SLC4A9: variants seen among roughly 807,000 people sequenced by gnomAD.
SLC4A9 encodes solute carrier family 4 member 9.
A neutral mutation model predicts 103.2 loss-of-function variants in SLC4A9; 102 were observed. That is an observed-to-expected ratio of 0.99 (90% CI 0.84 to 1.17). The LOEUF is 1.17. Among genes scored for constraint, SLC4A9 ranks in the 50% most tolerant of loss-of-function variants. SLC4A9 has a pLI of 0.00. For missense variants in SLC4A9, 1,091 were observed against 1,193.7 expected, an observed-to-expected ratio of 0.91 and a Z score of 1.27; for synonymous variants, 453 against 483.6, an observed-to-expected ratio of 0.94 and a Z score of 0.83.
At chr5:140,364,253 G>A in intron 10 of SLC4A9, 66 bp downstream of exon 10, 1 of 1,577,160 alleles carries the variant, frequency 6.3e-7, no homozygotes. Flanking sequence ...CTGGCTGGGT[G>A]AATAGGAGAG....
chr5:140,371,227 C>A, intron 18 of SLC4A9, 64 bp downstream of exon 18: 2 of 1,532,380 alleles, frequency 1.3e-6, no homozygotes, highest in Non-Finnish European at 1.8e-6. Flanking sequence ...CAAAAAAGAA[C>A]AAAATTACCT....
In SLC4A9 at chr5:140,371,541, C is replaced by T. The variant is rs370347102; in HGVS notation, c.2587C>T (p.Leu863Phe). The T allele has an allele frequency of 2.1e-5, 34 of 1,613,948 alleles. No homozygotes were observed. The highest frequency in any genetic ancestry group is 6.7e-5 in the African/African-American group (5 of 74,936). ...LRHVPLTRVH[L>F]FTAIQLACLG... The stretch of plus-strand genomic sequence containing the variant: ...GCATGTGCCTCTGACCAGGGTCCAC[C>T]TCTTCACAGCCATCCAGCTTGCCTG... The change falls in exon 19 of 22, where the codon CTC (leucine) becomes TTC (phenylalanine). Residue 863 changes from leucine (L) to phenylalanine (F), a missense_variant. Physicochemically the swap from Leu to Phe is conservative, Grantham distance 22 (BLOSUM62 0). Coordinates refer to ENST00000506757, the MANE Select transcript of SLC4A9 (RefSeq NM_031467.3).
At chr5:140,361,926 A>T in intron 4 of SLC4A9, 63 bp downstream of exon 4, 4 of 1,613,484 alleles carry the variant, frequency 2.5e-6, no homozygotes, top group Non-Finnish European at 3.4e-6. Context: ...AATTAACAAA[A>T]GTCTACTCTC....
Position 140,360,908 on chromosome 5 carries a change from C to CA in SLC4A9, c.328dup (p.Ser110LysfsTer69). ...CACTGCCCAGCCTCCAGAAGCTCCGCAGCCTGCTGGCCGAGGGCCTTGTAC... is the reference window on the plus strand; with the variant it reads ...CACTGCCCAGCCTCCAGAAGCTCCGCAAGCCTGCTGGCCGAGGGCCTTGTAC... On this transcript the variant is annotated frameshift_variant, in exon 2 of 22. Transcript: ENST00000506757. LOFTEE classifies it high-confidence loss of function. 1 of 1,607,880 alleles carries CA rather than the reference C, an allele frequency of 6.2e-7. No individual in the cohort carries two copies. Among genetic ancestry groups the CA allele is most frequent in the Non-Finnish European group, 8.5e-7 (1 of 1,177,664 alleles).
chr5:140,363,327 C>G lies in SLC4A9; in HGVS notation c.963-112C>G, dbSNP rs976961538. The G allele has an allele frequency of 4.6e-6, 5 of 1,087,490 alleles. No individual in the cohort carries two copies. The highest frequency in any genetic ancestry group is 2.6e-5 in the Admixed American group (1 of 38,872). The allele number at this position is 1,087,490 out of a possible 1,614,324, so 67.4% of individuals were successfully genotyped here. A position where few individuals can be genotyped will look rare whatever the true frequency, so the allele number is the denominator to read the frequency against. ...GAGGCCCAGGTGTCGCCATGGTTCC[C>G]TCGCCGGCAGAGACAAGAGCAGCCG... On this transcript the variant is annotated intron_variant, in intron 7 of 21. Coordinates refer to ENST00000506757, the MANE Select transcript of SLC4A9 (RefSeq NM_031467.3). This position sits in a 1 kb window ranked among gnomAD's most constrained non-coding sequence, Gnocchi z 4.5.
In SLC4A9 at chr5:140,363,997, G is replaced by A. The variant is rs114347809; in HGVS notation, c.1255-57G>A. The A allele has an allele frequency of 3.0e-3, 4,584 of 1,539,612 alleles. 120 individuals are homozygous for A. The African/African-American group carries it at 0.054, about 18-fold the overall frequency. ...GGTAAGTTAAGGAGGCTCTCCCAAAGCTTCAAAGGACCCCGAGGACTTCAG... is the reference window on the plus strand; with the variant it reads ...GGTAAGTTAAGGAGGCTCTCCCAAAACTTCAAAGGACCCCGAGGACTTCAG... On this transcript the variant is annotated intron_variant, in intron 9 of 21. Coordinates refer to ENST00000506757, the MANE Select transcript of SLC4A9 (RefSeq NM_031467.3). This position sits in a 1 kb window ranked among gnomAD's most constrained non-coding sequence, Gnocchi z 4.5.
At chr5:140,366,324 G>T in intron 14 of SLC4A9, 60 bp downstream of exon 14, 1 of 1,213,116 alleles carries the variant, frequency 8.2e-7, no homozygotes, top group Non-Finnish European at 1.2e-6. Context: ...GCAGACCATG[G>T]GGAAGGAAAA....
chr5:140,371,834 A>T (rs570071592), intron 19 of SLC4A9, among the ~76,000 whole-genome samples: 1 of 152,154 alleles, frequency 6.6e-6, no homozygotes, highest in Admixed American at 6.6e-5. Flanking sequence ...TCTTTTCCCA[A>T]CCTCTTTGGA....
chr5:140,363,163 G>C lies in SLC4A9; in HGVS notation c.962+97G>C. 1 of 1,471,056 alleles carries C rather than the reference G, an allele frequency of 6.8e-7. No individual in the cohort carries two copies. The highest frequency in any genetic ancestry group is 9.2e-7 in the Non-Finnish European group (1 of 1,092,104). 91.1% of individuals were successfully genotyped at this position (1,471,056 alleles called of 1,614,324 possible). ...GGGGTGGTGTCCCAGGAAAGAGATAGGGACCTATCTTTGGATTTGGAGTCA... is the reference window on the plus strand; with the variant it reads ...GGGGTGGTGTCCCAGGAAAGAGATACGGACCTATCTTTGGATTTGGAGTCA... On this transcript the variant is annotated intron_variant, in intron 7 of 21. Coordinates refer to ENST00000506757, the MANE Select transcript of SLC4A9 (RefSeq NM_031467.3). This position sits in a 1 kb window ranked among gnomAD's most constrained non-coding sequence, Gnocchi z 4.5.
chr5:140,360,381 G>A lies in SLC4A9; in HGVS notation c.145G>A (p.Gly49Arg), dbSNP rs1434452013. The A allele has an allele frequency of 6.2e-7, 1 of 1,607,384 alleles. No individual in the cohort carries two copies. The highest frequency in any genetic ancestry group is 8.5e-7 in the Non-Finnish European group (1 of 1,176,804). Reference sequence around the variant, plus strand: ...CTCAGACACAGAGAGCAAGGAACTGGGAGTACCCAAAGACCCTCTGCTCTT... The same window carrying A: ...CTCAGACACAGAGAGCAAGGAACTGAGAGTACCCAAAGACCCTCTGCTCTT... Reference protein sequence around the residue: ...GPSDTESKELGVPKDPLLFIQ... With the variant: ...GPSDTESKELRVPKDPLLFIQ... The change falls in exon 1 of 22, where the codon GGA becomes AGA. Residue 49 changes from glycine to arginine, a missense_variant. Transcript: ENST00000506757.
In SLC4A9 at chr5:140,363,070, C is replaced by T; in HGVS notation, c.962+4C>T. ...GTCTGCCATCTCAGCACAAAAGGTA[C>T]CTGGGAGCCATCATCCCATACAGAT... On this transcript the variant is annotated splice_donor_region_variant and intron_variant, in intron 7 of 21. Transcript: ENST00000506757. This position sits in a 1 kb window ranked among gnomAD's most constrained non-coding sequence, Gnocchi z 4.5. 6.2e-7 allele frequency: 1 copy of T among 1,612,736 alleles called. No individual in the cohort carries two copies. Among genetic ancestry groups the T allele is most frequent in the Non-Finnish European group, 8.5e-7 (1 of 1,179,608 alleles).
At position 140,367,836 on chromosome 5, in the gene SLC4A9, C is replaced by T; in HGVS notation, c.2292C>T (p.Asp764=). The T allele has an allele frequency of 6.2e-7, 1 of 1,613,988 alleles. No individual in the cohort carries two copies. Among genetic ancestry groups the T allele is most frequent in the Non-Finnish European group, 8.5e-7 (1 of 1,179,882 alleles). Residue 764 remains aspartate (D), a synonymous_variant, in exon 16 of 22, where the codon GAC becomes GAT. Coordinates refer to ENST00000506757, the MANE Select transcript of SLC4A9 (RefSeq NM_031467.3). The stretch of plus-strand genomic sequence containing the variant: ...CTGTCATCTCCCTGGCTCACATGGA[C>T]AGTCTTCGGAGAGAGAGCAGAGCCT... ...SATVISLAHM[D]SLRRESRACA...
At position 140,364,059 on chromosome 5, in the gene SLC4A9, G is replaced by C. The variant is rs763410927; in HGVS notation, c.1260G>C (p.Val420=). 2.6e-6 allele frequency: 4 copies of C among 1,541,264 alleles called. No homozygotes were observed. Among genetic ancestry groups the C allele is most frequent in the Non-Finnish European group, 3.5e-6 (4 of 1,147,064 alleles). ...GAGCCCCTGTTGGCTTCCAGGGAGT[G>C]CTGGAAAGTTTCCTGGGCACAGCAG... ...LGDATDGAQG[V]LESFLGTAVA... The change falls in exon 10 of 22, where the codon GTG becomes GTC. Residue 420 remains valine (V), a synonymous_variant. Transcript: ENST00000506757.
chr5:140,362,570 G>T lies in SLC4A9; in HGVS notation c.807+38G>T, dbSNP rs10054389. On this transcript the variant is annotated intron_variant, in intron 6 of 21. Transcript: ENST00000506757. ...GGTGTGTGTGTGTGCGCGCGCACGC[G>T]TGCATGCCTGTGTGTGTGTGCACAC... 1.6e-3 allele frequency: 2,496 copies of T among 1,573,138 alleles called. 28 individuals are homozygous for T. In the African/African-American group the frequency reaches 0.026, roughly 17 times the overall value.
chr5:140,366,150 G>A lies in SLC4A9; in HGVS notation c.1900-1G>A. The A allele has an allele frequency of 1.2e-6, 2 of 1,613,144 alleles. No homozygotes were observed. Among genetic ancestry groups the A allele is most frequent in the Non-Finnish European group, 1.7e-6 (2 of 1,179,408 alleles). On this transcript the variant is annotated splice_acceptor_variant, in intron 13 of 21. Coordinates refer to ENST00000506757, the MANE Select transcript of SLC4A9 (RefSeq NM_031467.3). LOFTEE classifies it high-confidence loss of function. The stretch of plus-strand genomic sequence containing the variant: ...CTGACTGAGTGTCCACTGTGTGCCA[G>A]GTGCGCAAAGGGCTCAGCGACTTCT...
In SLC4A9 at chr5:140,367,830, CATGGACAGTCTTCGG is replaced by C; in HGVS notation, c.2288_2302del (p.Met763_Arg767del). 1 of 1,614,014 alleles carries C rather than the reference CATGGACAGTCTTCGG, an allele frequency of 6.2e-7. No individual in the cohort carries two copies. Among genetic ancestry groups the C allele is most frequent in the Non-Finnish European group, 8.5e-7 (1 of 1,179,892 alleles). On this transcript the variant is annotated inframe_deletion, in exon 16 of 22. Transcript: ENST00000506757. ...CAGCCACTGTCATCTCCCTGGCTCA[CATGGACAGTCTTCGG>C]AGAGAGAGCAGAGCCTGTGCCCCCG...
At chr5:140,370,235 G>A (rs756578185) in intron 17 of SLC4A9, among the ~76,000 whole-genome samples, 48 of 151,930 alleles carry the variant, frequency 3.2e-4, no homozygotes, top group African/African-American at 1.0e-3. Flanking sequence ...AGGCTGAGGC[G>A]GGTGGATCAT....
intron 6 of SLC4A9, 138 bp from the exon 7 acceptor site, chr5:140,362,774 G>T (rs1767294201): frequency 2.6e-6 from 3 of 1,163,078 alleles, no homozygotes; most frequent in East Asian, 2.3e-5. Flanking sequence ...CTGAATGAAT[G>T]AATTAATGCA....
At chr5:140,367,674 G>C (rs1768092659) in intron 15 of SLC4A9, 46 bp from the exon 16 acceptor site, 2 of 1,609,802 alleles carry the variant, frequency 1.2e-6, no homozygotes, top group Non-Finnish European at 1.7e-6. Context: ...CAGAGGGCTG[G>C]GGCCTGGGCT....
Sources: gnomAD v4.1 joint callset for allele counts (sites outside exome capture counted in the v4.1 genomes callset) on GRCh38, gnomAD v4.1.1 for gene constraint, Gnocchi (gnomAD v3.1) non-coding constraint, MANE v1.5 for transcripts, NCBI Gene and HGNC (gene_info 2026-07-23, HGNC 2026-07-21) for gene names.